Variants in ZC3H6 observed in about 807,000 individuals in gnomAD.
The protein encoded by ZC3H6 is zinc finger CCCH domain-containing protein 6.
A neutral mutation model predicts 107.7 loss-of-function variants in ZC3H6; 40 were observed. The observed-to-expected ratio is 0.37, with a 90% CI of 0.29 to 0.48. The LOEUF (loss-of-function observed/expected upper bound fraction) is 0.48. ZC3H6 is among the 20% of genes least tolerant of loss of function. The pLI is 0.98. For synonymous variants in ZC3H6, 493 were observed against 487.9 expected (o/e 1.01, Z -0.14); for missense variants, 1,267 against 1,410.4 (o/e 0.90, Z 1.63).
rs184954214 is a variant in ZC3H6, at chr2:112,276,652, G to C, written c.32+626G>C. Among the ~76,000 whole-genome samples, 203 of 152,204 alleles carry C rather than the reference G, an allele frequency of 1.3e-3. 2 individuals carry two copies. The highest frequency in any genetic ancestry group is 0.012 in the Admixed American group (185 of 15,290). On this transcript the variant is annotated intron_variant, in intron 1 of 11. Transcript: ENST00000409871. Reference sequence around the variant, plus strand: ...ACGTAAAAACTCCATGGATTATTCCGGCTAGCCCAATTTTCTAGATGGTGT... The same window carrying C: ...ACGTAAAAACTCCATGGATTATTCCCGCTAGCCCAATTTTCTAGATGGTGT...
At position 112,309,961 on chromosome 2, in the gene ZC3H6, A is replaced by G; in HGVS notation, c.413A>G (p.Asp138Gly). ...HNKKFKSKEY[D>G]EYSTYSDDNF... Reference sequence around the variant, plus strand: ...AAAAAATTTAAAAGTAAAGAATATGATGAGTACAGCACCTACAGTGATGAC... The same window carrying G: ...AAAAAATTTAAAAGTAAAGAATATGGTGAGTACAGCACCTACAGTGATGAC... Residue 138 changes from aspartate to glycine, a missense_variant, in exon 4 of 12, where the codon GAT becomes GGT. Transcript: ENST00000409871. 6.2e-7 allele frequency: 1 copy of G among 1,611,428 alleles called. No individual in the cohort carries two copies.
Position 112,276,010 on chromosome 2 carries a change from C to T in ZC3H6, c.16C>T (p.His6Tyr), listed in dbSNP as rs770128629. The change falls in exon 1 of 12, where the codon CAT (histidine) becomes TAT (tyrosine). Residue 6 changes from histidine to tyrosine, a missense_variant. By Grantham distance (83) the His-to-Tyr change is moderately conservative. This residue lies in a region of ZC3H6 where 337 missense variants were observed against 361.2 expected (regional missense o/e 0.93). Transcript: ENST00000409871. Reference sequence around the variant, plus strand: ...TTGACCAAACATGACAGACTCTGAACATGCAGGGCACGACAGGTCGGGAAC... The same window carrying T: ...TTGACCAAACATGACAGACTCTGAATATGCAGGGCACGACAGGTCGGGAAC... MTDSE[H>Y]AGHDREDGEL... 1.3e-6 allele frequency: 2 copies of T among 1,541,472 alleles called. No individual in the cohort carries two copies. Among genetic ancestry groups the T allele is most frequent in the African/African-American group, 1.4e-5 (1 of 71,212 alleles).
chr2:112,322,110 G>A (rs1450037317), intron 8 of ZC3H6, among the ~76,000 whole-genome samples: 3 of 125,790 alleles, frequency 2.4e-5, no homozygotes, highest in East Asian at 2.3e-4. Flanking sequence ...CCTCCTTCCC[G>A]TCTTCCCTCC....
intron 1 of ZC3H6, among the ~76,000 whole-genome samples, chr2:112,285,469 C>G (rs6745942): frequency 0.51 from 77,166 of 151,436 alleles, 21,840 homozygotes; most frequent in East Asian, 0.77. Context: ...TTATTCCCCT[C>G]CCTTAGCCTC....
chr2:112,331,576 A>T lies in ZC3H6; in HGVS notation c.2658A>T (p.Pro886=). 4 of 1,614,006 alleles carry T rather than the reference A, an allele frequency of 2.5e-6. No individual in the cohort carries two copies. The highest frequency in any genetic ancestry group is 3.4e-6 in the Non-Finnish European group (4 of 1,179,884). ...HIVWAPEDLL[P]VPLPKPDPVS... is the part of the protein sequence containing the mutation. ...TGTGGGCTCCCGAAGACTTACTTCC[A>T]GTACCTTTACCTAAACCTGATCCAG... The change falls in exon 12 of 12, where the codon CCA becomes CCT. Residue 886 remains proline (P), a synonymous_variant. Coordinates refer to ENST00000409871, the MANE Select transcript of ZC3H6 (RefSeq NM_198581.3).
intron 5 of ZC3H6, among the ~76,000 whole-genome samples, chr2:112,313,030 G>A (rs1676621731): frequency 6.6e-6 from 1 of 152,044 alleles, no homozygotes; most frequent in South Asian, 2.1e-4. Context: ...TAACAGGTGT[G>A]ACCTAAAAAA....
chr2:112,294,051 A>G (rs1373180991), intron 1 of ZC3H6, among the ~76,000 whole-genome samples: 1 of 152,214 alleles, frequency 6.6e-6, no homozygotes, highest in Non-Finnish European at 1.5e-5. Flanking sequence ...TGGATGAGAA[A>G]CTGCCTCCCA....
At position 112,335,446 on chromosome 2, in the gene ZC3H6, T is replaced by G. The variant is rs533724087; in HGVS notation, c.*2958T>G. 1 of 152,244 alleles carries G rather than the reference T, an allele frequency of 6.6e-6. No homozygotes were observed. The highest frequency in any genetic ancestry group is 2.4e-5 in the African/African-American group (1 of 41,550). The allele number at this position is 152,244 out of a possible 1,614,324, so 9.4% of individuals were successfully genotyped here. On this transcript the variant is annotated 3_prime_UTR_variant, in exon 12 of 12. Coordinates refer to ENST00000409871, the MANE Select transcript of ZC3H6 (RefSeq NM_198581.3). ...TGAATTAATTAGAGGTAGGAAGGAC[T>G]TACAAGGGCTGGAAGTTTAAAGAGA...
chr2:112,301,260 C>G (rs1357365145), intron 2 of ZC3H6, among the ~76,000 whole-genome samples: 1 of 152,190 alleles, frequency 6.6e-6, no homozygotes, highest in Admixed American at 6.5e-5. Context: ...CTGAAAAGAT[C>G]TGGACCTGAT....
intron 1 of ZC3H6, among the ~76,000 whole-genome samples, chr2:112,281,686 G>T (rs1686528832): frequency 1.3e-5 from 2 of 152,156 alleles, no homozygotes; most frequent in Admixed American, 1.3e-4. Context: ...AATTCATGAG[G>T]TATTTCTTAG....
chr2:112,316,340 G>A (rs1676694727), intron 5 of ZC3H6, 130 bp from the exon 6 acceptor site: 1 of 611,212 alleles, frequency 1.6e-6, no homozygotes, highest in African/African-American at 1.9e-5. Flanking sequence ...TAAATGAATA[G>A]CATCAGAATG....
At chr2:112,315,765 T>G (rs1271877499) in intron 5 of ZC3H6, among the ~76,000 whole-genome samples, 1 of 151,984 alleles carries the variant, frequency 6.6e-6, no homozygotes, top group Non-Finnish European at 1.5e-5. Flanking sequence ...ACCTGGCTAA[T>G]TTTTTGTATT....
chr2:112,339,944 T>C lies in ZC3H6; in HGVS notation c.*7456T>C, dbSNP rs1461271499. Reference sequence around the variant, plus strand: ...ACTTGGCAAAATTAGGAATAACTTTTCCCCTCCTTCTTTACTAATAAATTT... The same window carrying C: ...ACTTGGCAAAATTAGGAATAACTTTCCCCCTCCTTCTTTACTAATAAATTT... On this transcript the variant is annotated 3_prime_UTR_variant, in exon 12 of 12. Transcript: ENST00000409871. The C allele has an allele frequency of 6.6e-6, 1 of 152,220 alleles. No homozygotes were observed. Among genetic ancestry groups the C allele is most frequent in the African/African-American group, 2.4e-5 (1 of 41,454 alleles). 9.4% of individuals were successfully genotyped at this position (152,220 alleles called of 1,614,324 possible). A position where few individuals can be genotyped will look rare whatever the true frequency, so the allele number is the denominator to read the frequency against.
chr2:112,296,528 T>C (rs1448366742), intron 1 of ZC3H6, among the ~76,000 whole-genome samples: 2 of 152,206 alleles, frequency 1.3e-5, no homozygotes, highest in Non-Finnish European at 2.9e-5. Flanking sequence ...TGCACTCATT[T>C]TCTCGGATTG....
chr2:112,278,115 T>G (rs1049226612), intron 1 of ZC3H6, among the ~76,000 whole-genome samples: 4 of 152,158 alleles, frequency 2.6e-5, no homozygotes, highest in African/African-American at 9.7e-5. Flanking sequence ...TGAATCAGAA[T>G]CTCTAGGGTA....
intron 5 of ZC3H6, among the ~76,000 whole-genome samples, chr2:112,313,077 A>G (rs1484655263): frequency 6.6e-6 from 1 of 152,210 alleles, no homozygotes; most frequent in African/African-American, 2.4e-5. Flanking sequence ...GAAACCCAGC[A>G]CATGCCATCT....
intron 1 of ZC3H6, among the ~76,000 whole-genome samples, chr2:112,284,798 T>C (rs1270392401): frequency 2.0e-5 from 3 of 152,194 alleles, no homozygotes; most frequent in Non-Finnish European, 2.9e-5. Flanking sequence ...TTTTCCTCCT[T>C]ATAAAATTCT....
chr2:112,296,596 A>C (rs1676239997), intron 1 of ZC3H6, among the ~76,000 whole-genome samples: 1 of 152,228 alleles, frequency 6.6e-6, no homozygotes, highest in African/African-American at 2.4e-5. Flanking sequence ...CCAGAATGCC[A>C]AGACTGCCTC....
chr2:112,312,858 T>C lies in ZC3H6; in HGVS notation c.747+921T>C, dbSNP rs74592444. On this transcript the variant is annotated intron_variant, in intron 5 of 11. Coordinates refer to ENST00000409871, the MANE Select transcript of ZC3H6 (RefSeq NM_198581.3). ...CTGGGTGACAGAGCGAGACTCCATC[T>C]CAAAATAAAAAAAAAAAAAAAGCTG... is the stretch of plus-strand genomic sequence containing the variant. Among the ~76,000 whole-genome samples, 174 of 105,970 alleles carry C rather than the reference T, an allele frequency of 1.6e-3. 3 individuals carry two copies. The East Asian group carries it at 0.059, about 36-fold the overall frequency. 69.5% of individuals were successfully genotyped at this position (105,970 alleles called of 152,430 possible).
Sources: gnomAD v4.1 joint callset for allele counts (sites outside exome capture counted in the v4.1 genomes callset) on GRCh38, gnomAD v4.1.1 for gene constraint, gnomAD v4.1.1 regional missense constraint, MANE v1.5 for transcripts, NCBI Gene and HGNC (gene_info 2026-07-23, HGNC 2026-07-21) for gene names.